Variants in MAP1B observed in about 807,000 individuals in gnomAD.
The protein encoded by MAP1B is microtubule-associated protein 1B.
MAP1B carries 12 observed loss-of-function variants against 176.1 expected under a neutral mutation model. The ratio of observed to expected loss-of-function variants is 0.07; its 90% confidence interval spans 0.04 to 0.11. The LOEUF is 0.11. Among genes scored for constraint, MAP1B ranks in the 10% least tolerant of loss-of-function variants. The pLI is 1.00. For synonymous variants in MAP1B, 1,044 were observed against 1,135.0 expected, an observed-to-expected ratio of 0.92 and a Z score of 1.61; for missense variants, 2,523 against 2,990.5, an observed-to-expected ratio of 0.84 and a Z score of 3.65.
intron 3 of MAP1B, among the ~76,000 whole-genome samples, chr5:72,185,527 G>A (rs1746877829): frequency 6.6e-6 from 1 of 151,498 alleles, no homozygotes; most frequent in African/African-American, 2.4e-5. Flanking sequence ...CCAGGAGGCA[G>A]AGGTTGCAGT....
At position 72,196,878 on chromosome 5, in the gene MAP1B, T is replaced by C. The variant is rs764372823; in HGVS notation, c.3523T>C (p.Ser1175Pro). 2 of 1,614,206 alleles carry C rather than the reference T, an allele frequency of 1.2e-6. No individual in the cohort carries two copies. The highest frequency in any genetic ancestry group is 8.5e-7 in the Non-Finnish European group (1 of 1,180,026). ...ATCTTCATTGTATTCTCAGGAATACTCTAAACCTGCTGATGTTACACCGCT... is the reference window on the plus strand; with the variant it reads ...ATCTTCATTGTATTCTCAGGAATACCCTAAACCTGCTGATGTTACACCGCT... Reference protein sequence around the residue: ...YESSLYSQEYSKPADVTPLNG... With the variant: ...YESSLYSQEYPKPADVTPLNG... Residue 1175 changes from serine (S) to proline (P), a missense_variant, in exon 5 of 7, where the codon TCT becomes CCT. Ser to Pro is a moderately conservative substitution (Grantham distance 74). Around this residue, in one of 4 missense-constraint regions of MAP1B, gnomAD observed 1,925 missense variants for 2,126.0 expected, o/e 0.91. Coordinates refer to ENST00000296755, the MANE Select transcript of MAP1B (RefSeq NM_005909.5). This position sits in a 1 kb window ranked among gnomAD's most constrained non-coding sequence, Gnocchi z 5.3.
chr5:72,197,599 G>C lies in MAP1B; in HGVS notation c.4244G>C (p.Ser1415Thr). 6.2e-7 allele frequency: 1 copy of C among 1,614,198 alleles called. No homozygotes were observed. The highest frequency in any genetic ancestry group is 8.5e-7 in the Non-Finnish European group (1 of 1,180,038). ...GAGTCTGCTTATGAAAGTTTTCTAA[G>C]TGCTGATGACAAGGCTTCTGGCAGA... ...GSESAYESFL[S>T]ADDKASGRGA... The change falls in exon 5 of 7, where the codon AGT becomes ACT. Residue 1415 changes from serine to threonine, a missense_variant. By Grantham distance (58) the Ser-to-Thr change is moderately conservative. Coordinates refer to ENST00000296755, the MANE Select transcript of MAP1B (RefSeq NM_005909.5).
Position 72,198,304 on chromosome 5 carries a change from G to A in MAP1B, c.4949G>A (p.Gly1650Asp), listed in dbSNP as rs1747234024. Residue 1650 changes from glycine (G) to aspartate (D), a missense_variant, in exon 5 of 7, where the codon GGC (glycine) becomes GAC (aspartate). By Grantham distance (94) the Gly-to-Asp change is moderately conservative (BLOSUM62 -1). Transcript: ENST00000296755. ...CAGTCCTCAATGTCTATTGAATTTG[G>A]CCAAGAATCTCCTGAGCAATCCCTT... ...SEQSSMSIEF[G>D]QESPEQSLAM... The A allele has an allele frequency of 6.2e-7, 1 of 1,613,986 alleles. No homozygotes were observed. The highest frequency in any genetic ancestry group is 8.5e-7 in the Non-Finnish European group (1 of 1,180,020).
chr5:72,161,624 G>T (rs1746324981), intron 2 of MAP1B, among the ~76,000 whole-genome samples: 1 of 152,082 alleles, frequency 6.6e-6, no homozygotes, highest in African/African-American at 2.4e-5. Flanking sequence ...CTCACACTTA[G>T]GTTCTGCTGA....
At chr5:72,163,296 A>G (rs1746362549) in intron 2 of MAP1B, among the ~76,000 whole-genome samples, 1 of 151,862 alleles carries the variant, frequency 6.6e-6, no homozygotes, top group Non-Finnish European at 1.5e-5. Context: ...CACTGGACAT[A>G]CTGTGTGAAG....
At chr5:72,147,429 G>A (rs1405261149) in intron 2 of MAP1B, among the ~76,000 whole-genome samples, 1 of 151,380 alleles carries the variant, frequency 6.6e-6, no homozygotes, top group Non-Finnish European at 1.5e-5. Flanking sequence ...TGTATTCCAG[G>A]TAATATGCGT....
intron 2 of MAP1B, chr5:72,179,909 T>C: frequency 2.0e-6 from 2 of 985,450 alleles, no homozygotes; most frequent in Non-Finnish European, 2.4e-6. Flanking sequence ...GGAGTGGAGG[T>C]AAATGGCAAC....
rs552270317 is a variant in MAP1B, at chr5:72,129,077, C to T, written c.286+13278C>T. Among the ~76,000 whole-genome samples, 19 of 152,242 alleles carry T rather than the reference C, an allele frequency of 1.2e-4. No homozygotes were observed. In the South Asian group the frequency reaches 2.1e-3, roughly 17 times the overall value. ...TGAGAAGTGAGATTTTTTTTAAAGG[C>T]TTAATCACTTGTGCTTTAAGATTTA... On this transcript the variant is annotated intron_variant, in intron 2 of 6. Transcript: ENST00000296755.
intron 2 of MAP1B, among the ~76,000 whole-genome samples, chr5:72,161,371 A>C (rs760730714): frequency 1.3e-4 from 20 of 152,358 alleles, no homozygotes; most frequent in Admixed American, 2.0e-4. Flanking sequence ...AGCAGTCAAT[A>C]CATGGTGGCT....
At chr5:72,118,498 C>T (rs1376815250) in intron 2 of MAP1B, among the ~76,000 whole-genome samples, 1 of 152,138 alleles carries the variant, frequency 6.6e-6, no homozygotes, top group Non-Finnish European at 1.5e-5. Context: ...CAGTCATTAC[C>T]TTTATTACAC....
At chr5:72,156,955 C>T (rs928130780) in intron 2 of MAP1B, among the ~76,000 whole-genome samples, 1 of 152,184 alleles carries the variant, frequency 6.6e-6, no homozygotes, top group African/African-American at 2.4e-5. Flanking sequence ...CGAGTCAGAA[C>T]TGAGTAGTAG....
intron 2 of MAP1B, among the ~76,000 whole-genome samples, chr5:72,138,150 T>G (rs1158193744): frequency 1.3e-5 from 2 of 152,156 alleles, no homozygotes; most frequent in Non-Finnish European, 2.9e-5. Flanking sequence ...TACAAATAAA[T>G]AAGTAAAACT....
intron 2 of MAP1B, among the ~76,000 whole-genome samples, chr5:72,156,579 G>T (rs572772143): frequency 6.6e-6 from 1 of 152,204 alleles, no homozygotes; most frequent in African/African-American, 2.4e-5. Context: ...TTTCATGGAC[G>T]TTTGTGATAA....
chr5:72,155,844 G>A (rs1229447016), intron 2 of MAP1B, among the ~76,000 whole-genome samples: 1 of 147,038 alleles, frequency 6.8e-6, no homozygotes, highest in Non-Finnish European at 1.5e-5. Context: ...TCATCTTAGT[G>A]CAATCTCTGC....
intron 2 of MAP1B, among the ~76,000 whole-genome samples, chr5:72,134,175 A>G (rs1207865107): frequency 6.6e-6 from 1 of 152,260 alleles, no homozygotes; most frequent in East Asian, 1.9e-4. Flanking sequence ...TTGAAAAAGA[A>G]AAATGCAATT....
chr5:72,166,518 C>T (rs144575848), intron 2 of MAP1B, among the ~76,000 whole-genome samples: 136 of 152,228 alleles, frequency 8.9e-4, no homozygotes, highest in Middle Eastern at 3.4e-3. Flanking sequence ...CTAGAGAGGT[C>T]GAGACAGCAG....
At chr5:72,125,632 T>C (rs1745614115) in intron 2 of MAP1B, among the ~76,000 whole-genome samples, 1 of 152,236 alleles carries the variant, frequency 6.6e-6, no homozygotes, top group Admixed American at 6.5e-5. Flanking sequence ...ATGAGAATTT[T>C]GCAAGGAGGT....
chr5:72,108,464 T>A (rs555855334), intron 1 of MAP1B, among the ~76,000 whole-genome samples: 7 of 152,126 alleles, frequency 4.6e-5, no homozygotes, highest in African/African-American at 1.7e-4. Flanking sequence ...TCGGGAGTGG[T>A]AGCTTGAAGG....
Position 72,194,636 on chromosome 5 carries a change from A to C in MAP1B, c.1281A>C (p.Pro427=). 2 of 1,614,196 alleles carry C rather than the reference A, an allele frequency of 1.2e-6. No individual in the cohort carries two copies. Among genetic ancestry groups the C allele is most frequent in the Non-Finnish European group, 1.7e-6 (2 of 1,180,050 alleles). ...AACTTGAGATGTATGTGCTTAATCC[A>C]GTCAAGAGCAGCAAGGAAATGCAGT... is the stretch of plus-strand genomic sequence containing the variant. The part of the protein sequence containing the change: ...VGKLEMYVLN[P]VKSSKEMQYF... The change falls in exon 5 of 7, where the codon CCA becomes CCC. Residue 427 remains proline, a synonymous_variant. Transcript: ENST00000296755. This position sits in a 1 kb window ranked among gnomAD's most constrained non-coding sequence, Gnocchi z 7.2.
Sources: allele counts gnomAD v4.1 joint callset (sites outside exome capture counted in the v4.1 genomes callset), GRCh38; gene constraint gnomAD v4.1.1; regional missense constraint gnomAD v4.1.1; non-coding constraint Gnocchi (gnomAD v3.1); transcripts MANE v1.5; gene names NCBI Gene and HGNC (gene_info 2026-07-23, HGNC 2026-07-21).